TRPC3: variants seen among roughly 807,000 people sequenced by gnomAD.
The protein encoded by TRPC3 is transient receptor potential cation channel subfamily C member 3, also known as short transient receptor potential channel 3.
Under a neutral mutation model 90.9 loss-of-function variants are expected in TRPC3, and 54 were observed. The ratio of observed to expected loss-of-function variants is 0.59; its 90% CI spans 0.48 to 0.75. The LOEUF is 0.75. Among genes scored for constraint, TRPC3 ranks in the 30% least tolerant of loss-of-function variants. The pLI is 0.00. For missense variants in TRPC3, 918 were observed against 1,194.5 expected, an observed-to-expected ratio of 0.77 and a Z score of 3.41; for synonymous variants, 424 against 450.9, an observed-to-expected ratio of 0.94 and a Z score of 0.75.
intron 6 of TRPC3, among the ~76,000 whole-genome samples, chr4:121,908,689 G>A (rs1417971716): frequency 1.3e-5 from 2 of 152,060 alleles, no homozygotes; most frequent in Non-Finnish European, 2.9e-5. Flanking sequence ...GGTATTCATG[G>A]ACATAAACAT....
At position 121,936,215 on chromosome 4, in the gene TRPC3, C is replaced by T. The variant is rs570748195; in HGVS notation, c.216-3173G>A. Among the ~76,000 whole-genome samples, 37 of 152,266 alleles carry T rather than the reference C, an allele frequency of 2.4e-4. No individual in the cohort carries two copies. The South Asian group carries it at 6.8e-3, about 28-fold the overall frequency. On this transcript the variant is annotated intron_variant, in intron 1 of 11. Transcript: ENST00000379645. ...ATTTCATTAATCTGAACTGATGGAA[C>T]GAGTCAATATTCACATCATCCACAA...
At position 121,904,469 on chromosome 4, in the gene TRPC3, A is replaced by G. The variant is rs2149120012; in HGVS notation, c.2106T>C (p.Ser702=). 2 of 1,594,492 alleles carry G rather than the reference A, an allele frequency of 1.3e-6. No homozygotes were observed. The highest frequency in any genetic ancestry group is 1.7e-6 in the Non-Finnish European group (2 of 1,173,144). Residue 702 remains serine (S), a synonymous_variant, in exon 8 of 12, where the codon TCT becomes TCC. Coordinates refer to ENST00000379645, the MANE Select transcript of TRPC3 (RefSeq NM_001130698.2). ...ATTTGAGCACAACGGAAGTCACTTC[A>G]GACAACCCAAATATTGACCAAAATA... is the stretch of plus-strand genomic sequence containing the variant. ...KTLFWSIFGL[S]EVTSVVLKYD...
chr4:121,883,976 C>T (rs1224129693), intron 10 of TRPC3, among the ~76,000 whole-genome samples: 2 of 152,114 alleles, frequency 1.3e-5, no homozygotes, highest in Non-Finnish European at 2.9e-5. Flanking sequence ...AAGAGACATA[C>T]AACAATGTTT....
chr4:121,903,498 GA>G (rs1256852136), intron 8 of TRPC3, among the ~76,000 whole-genome samples: 1 of 152,172 alleles, frequency 6.6e-6, no homozygotes, highest in African/African-American at 2.4e-5. Context: ...AGGGCAAGGG[GA>G]AAAATGATTC....
Position 121,911,895 on chromosome 4 carries a change from T to C in TRPC3, c.1540A>G (p.Ile514Val). The change falls in exon 5 of 12, where the codon ATT becomes GTT. Residue 514 changes from isoleucine to valine, a missense_variant. Transcript: ENST00000379645. ...GACTTACCAAGAACCCAGACCATAA[T>C]TAGCATTTCAGTCCATGTAAACTGG... ...TTQFTWTEML[I>V]MVWVLGMMWS... 6.2e-7 allele frequency: 1 copy of C among 1,613,326 alleles called. No individual in the cohort carries two copies. Among genetic ancestry groups the C allele is most frequent in the Non-Finnish European group, 8.5e-7 (1 of 1,179,528 alleles).
rs1483980868 is a variant in TRPC3 at position 121,932,301 on chromosome 4, G to A, written c.957C>T (p.Ala319=). The part of the protein sequence containing the change: ...LTALELSNEL[A]KLANIEKEFK... ...ACTCCTTCTCTATGTTGGCCAGCTT[G>A]GCCAGCTCGTTGCTGAGCTCTAGGG... is the stretch of plus-strand genomic sequence containing the variant. Residue 319 remains alanine (A), a synonymous_variant, in exon 2 of 12, where the codon GCC becomes GCT. Transcript: ENST00000379645. The surrounding 1 kb of genome is among the most constrained non-coding windows in gnomAD (Gnocchi z 7.7). The A allele has an allele frequency of 5.6e-6, 9 of 1,614,020 alleles. No individual in the cohort carries two copies. In the African/African-American group the frequency reaches 9.3e-5, roughly 17 times the overall value.
intron 11 of TRPC3, among the ~76,000 whole-genome samples, chr4:121,880,623 CAAG>C (rs1727910638): frequency 6.6e-6 from 1 of 150,472 alleles, no homozygotes. Context: ...GGATTCTCTT[CAAG>C]GAGAGGCAGT....
intron 3 of TRPC3, among the ~76,000 whole-genome samples, chr4:121,918,201 C>T (rs1729385616): frequency 6.6e-6 from 1 of 152,188 alleles, no homozygotes; most frequent in Non-Finnish European, 1.5e-5. Flanking sequence ...GAGGATGCAG[C>T]CCTCACCAGA....
At chr4:121,919,595 C>T (rs1360514020) in intron 3 of TRPC3, among the ~76,000 whole-genome samples, 4 of 152,190 alleles carry the variant, frequency 2.6e-5, no homozygotes, top group South Asian at 4.1e-4. Flanking sequence ...CCCGTTCCAA[C>T]GTCTCAGTGG....
intron 4 of TRPC3, 140 bp from the exon 5 acceptor site, chr4:121,912,233 G>T: frequency 1.5e-6 from 1 of 662,904 alleles, no homozygotes. Flanking sequence ...TTTATATTAT[G>T]AAAAATATTC....
At chr4:121,925,778 C>G (rs1729686406) in intron 2 of TRPC3, among the ~76,000 whole-genome samples, 1 of 152,166 alleles carries the variant, frequency 6.6e-6, no homozygotes, top group South Asian at 2.1e-4. Flanking sequence ...TACATCGAAG[C>G]ATCCCATGGT....
intron 1 of TRPC3, among the ~76,000 whole-genome samples, chr4:121,935,423 T>G (rs1313216197): frequency 9.4e-5 from 5 of 53,114 alleles, no homozygotes; most frequent in African/African-American, 1.3e-4. Flanking sequence ...GTGTGGGGTG[T>G]GTGTGTGTGT....
chr4:121,880,380 G>A (rs1303887196), intron 11 of TRPC3, among the ~76,000 whole-genome samples: 1 of 152,124 alleles, frequency 6.6e-6, no homozygotes, highest in African/African-American at 2.4e-5. Flanking sequence ...AAAAGAGTAA[G>A]GAGTGTTTAT....
intron 1 of TRPC3, among the ~76,000 whole-genome samples, chr4:121,937,550 G>C (rs1302830432): frequency 6.6e-6 from 1 of 152,194 alleles, no homozygotes; most frequent in Non-Finnish European, 1.5e-5. Flanking sequence ...TTAATGTCAA[G>C]ACCTTGCTTT....
At chr4:121,935,307 G>C (rs1041318427) in intron 1 of TRPC3, among the ~76,000 whole-genome samples, 1 of 151,964 alleles carries the variant, frequency 6.6e-6, no homozygotes, top group Non-Finnish European at 1.5e-5. Flanking sequence ...TGCTGTGTTT[G>C]GCTGTTATGA....
chr4:121,889,601 G>A (rs904387285), intron 10 of TRPC3, among the ~76,000 whole-genome samples: 1 of 152,066 alleles, frequency 6.6e-6, no homozygotes, highest in Non-Finnish European at 1.5e-5. Context: ...TGTGGAGAAA[G>A]AGAACTCATA....
At chr4:121,880,086 T>C (rs953871813) in intron 11 of TRPC3, among the ~76,000 whole-genome samples, 1 of 152,188 alleles carries the variant, frequency 6.6e-6, no homozygotes, top group African/African-American at 2.4e-5. Flanking sequence ...AGTCCAGCTA[T>C]ATTTTTTAAA....
At chr4:121,884,456 T>C (rs1300786117) in intron 10 of TRPC3, among the ~76,000 whole-genome samples, 1 of 152,078 alleles carries the variant, frequency 6.6e-6, no homozygotes, top group African/African-American at 2.4e-5. Context: ...TCATAATTTA[T>C]TTTGCATTAC....
At chr4:121,934,357 T>C (rs1009706961) in intron 1 of TRPC3, among the ~76,000 whole-genome samples, 2 of 152,246 alleles carry the variant, frequency 1.3e-5, no homozygotes, top group Non-Finnish European at 2.9e-5. Flanking sequence ...ATCTGTACAA[T>C]ATTTTGGTGG....
Sources: gnomAD v4.1 joint callset for allele counts (sites outside exome capture counted in the v4.1 genomes callset) on GRCh38, gnomAD v4.1.1 for gene constraint, Gnocchi (gnomAD v3.1) non-coding constraint, MANE v1.5 for transcripts, NCBI Gene and HGNC (gene_info 2026-07-23, HGNC 2026-07-21) for gene names.